The following GRM5 variants were observed in gnomAD, a reference collection of about 807,000 sequenced individuals.
GRM5 encodes metabotropic glutamate receptor 5.
A neutral mutation model predicts 83.1 loss-of-function variants in GRM5; 19 were observed. That is an observed-to-expected ratio of 0.23 (90% CI 0.16 to 0.34). The LOEUF is 0.34. Ranked by LOEUF, GRM5 falls within the 10% of genes least tolerant of loss-of-function variation. The probability of loss-of-function intolerance (pLI) is 1.00; values close to 1 mark genes in which losing one functional copy is unlikely to be tolerated. For missense variants in GRM5, 1,160 were observed against 1,588.3 expected (o/e 0.73, Z 4.58); for synonymous variants, 675 against 633.6 (o/e 1.07, Z -0.98).
chr11:88,520,672 T>G (rs2135097606), intron 9 of GRM5, among the ~76,000 whole-genome samples: 1 of 152,280 alleles, frequency 6.6e-6, no homozygotes, highest in Non-Finnish European at 1.5e-5. Context: ...AGTCCTTGGT[T>G]CATAATAGGT....
At chr11:88,750,117 G>A (rs1184919723) in intron 3 of GRM5, among the ~76,000 whole-genome samples, 4 of 152,012 alleles carry the variant, frequency 2.6e-5, no homozygotes, top group Non-Finnish European at 5.9e-5. Flanking sequence ...TGGGCTAAAT[G>A]ACCCAATTAA....
intron 2 of GRM5, among the ~76,000 whole-genome samples, chr11:88,890,200 A>C (rs12807157): frequency 0.015 from 2,306 of 152,146 alleles, 27 homozygotes; most frequent in Middle Eastern, 0.054. Context: ...GTTGCCTTAC[A>C]ATGAAATACA....
intron 2 of GRM5, among the ~76,000 whole-genome samples, chr11:88,984,246 G>A (rs1939617402): frequency 6.6e-6 from 1 of 152,038 alleles, no homozygotes; most frequent in Non-Finnish European, 1.5e-5. Context: ...CTTCATTCAT[G>A]GTAAATGACC....
chr11:88,807,393 T>A (rs1449018407), intron 3 of GRM5, among the ~76,000 whole-genome samples: 2 of 152,132 alleles, frequency 1.3e-5, no homozygotes, highest in East Asian at 3.8e-4. Context: ...ATCTTGTCAC[T>A]TTATTTTATT....
intron 7 of GRM5, among the ~76,000 whole-genome samples, chr11:88,569,731 AC>A (rs1219406148): frequency 6.6e-6 from 1 of 151,782 alleles, no homozygotes; most frequent in East Asian, 1.9e-4. Flanking sequence ...AGAACCATGG[AC>A]CCCCCACTAC....
intron 6 of GRM5, among the ~76,000 whole-genome samples, chr11:88,594,661 ATCTT>A (rs751329785): frequency 1.2e-4 from 19 of 152,222 alleles, no homozygotes; most frequent in Admixed American, 6.5e-4. Flanking sequence ...CATTTACCTT[ATCTT>A]TCTTCTTTCT....
chr11:88,525,356 G>A lies in GRM5; in HGVS notation c.2679C>T (p.Phe893=). Residue 893 remains phenylalanine, a synonymous_variant, in exon 9 of 10, where the codon TTC becomes TTT. Transcript: ENST00000305447. The part of the protein sequence containing the change: ...LAQHKSEIEC[F]TPKGSMGNGG... ...CATTCCCCATACTCCCTTTGGGGGT[G>A]AAACACTCTATTTCCGACTTGTGCT... 1 of 1,612,662 alleles carries A rather than the reference G, an allele frequency of 6.2e-7. No individual in the cohort carries two copies. Among genetic ancestry groups the A allele is most frequent in the Non-Finnish European group, 8.5e-7 (1 of 1,178,764 alleles).
chr11:89,013,693 C>A (rs969921475), intron 2 of GRM5, among the ~76,000 whole-genome samples: 4 of 152,154 alleles, frequency 2.6e-5, no homozygotes, highest in African/African-American at 9.7e-5. Context: ...ATGTCAACTC[C>A]CTGCTCATTA....
At chr11:88,697,358 T>C (rs1410824138) in intron 3 of GRM5, among the ~76,000 whole-genome samples, 1 of 152,186 alleles carries the variant, frequency 6.6e-6, no homozygotes, top group Admixed American at 6.5e-5. Flanking sequence ...TGCGCTTTTG[T>C]ATGGGTTCCC....
At chr11:89,035,734 A>C (rs1941369116) in intron 2 of GRM5, among the ~76,000 whole-genome samples, 1 of 152,056 alleles carries the variant, frequency 6.6e-6, no homozygotes, top group Non-Finnish European at 1.5e-5. Flanking sequence ...CTGAAAATAA[A>C]CACTTCATAA....
intron 8 of GRM5, among the ~76,000 whole-genome samples, chr11:88,534,250 AGATCCACTGAC>A (rs1357260045): frequency 6.6e-6 from 1 of 152,202 alleles, no homozygotes; most frequent in Non-Finnish European, 1.5e-5. Context: ...GCCAGAATGT[AGATCCACTGAC>A]GACTTGCACT....
At chr11:88,686,834 C>T (rs572672447) in intron 3 of GRM5, among the ~76,000 whole-genome samples, 6 of 152,156 alleles carry the variant, frequency 3.9e-5, no homozygotes, top group African/African-American at 1.4e-4. Context: ...CTTTTCTTCC[C>T]AGTCTCAGGT....
At chr11:88,683,221 C>T (rs1385604239) in intron 3 of GRM5, among the ~76,000 whole-genome samples, 1 of 152,182 alleles carries the variant, frequency 6.6e-6, no homozygotes, top group Admixed American at 6.5e-5. Context: ...ATTAATTTCA[C>T]ACTGTGGTTC....
intron 2 of GRM5, among the ~76,000 whole-genome samples, chr11:89,000,379 G>A (rs1459807091): frequency 6.6e-6 from 1 of 152,076 alleles, no homozygotes; most frequent in African/African-American, 2.4e-5. Context: ...ACAGGTCAAT[G>A]GAATGGAACA....
chr11:88,851,874 G>A (rs1380277832), intron 2 of GRM5, among the ~76,000 whole-genome samples: 1 of 152,106 alleles, frequency 6.6e-6, no homozygotes. Context: ...ATGGCAGGTG[G>A]GCAATCTAGT....
chr11:89,032,319 A>C (rs1941281148), intron 2 of GRM5, among the ~76,000 whole-genome samples: 1 of 152,054 alleles, frequency 6.6e-6, no homozygotes, highest in Non-Finnish European at 1.5e-5. Context: ...ACAGTAAACT[A>C]AAAAAAGCAT....
chr11:88,658,895 C>T (rs1335194396), intron 3 of GRM5, among the ~76,000 whole-genome samples: 3 of 152,106 alleles, frequency 2.0e-5, no homozygotes, highest in Admixed American at 2.0e-4. Context: ...CCAACTTTGT[C>T]ATACAGGTAG....
intron 2 of GRM5, among the ~76,000 whole-genome samples, chr11:89,006,943 G>A (rs561448268): frequency 6.6e-6 from 1 of 152,182 alleles, no homozygotes; most frequent in Non-Finnish European, 1.5e-5. Flanking sequence ...GACTACAGGC[G>A]CCCGCCACCA....
chr11:88,714,188 GT>G lies in GRM5; in HGVS notation c.912-60786del, dbSNP rs1227271395. On this transcript the variant is annotated intron_variant, in intron 3 of 9. Coordinates refer to ENST00000305447, the MANE Select transcript of GRM5 (RefSeq NM_001143831.3). Reference sequence around the variant, plus strand: ...AATAACTTTTGGAGAAACTTAGAAGGTGGGGAAGTCACAACAGGCTACAGTA... The same window carrying G: ...AATAACTTTTGGAGAAACTTAGAAGGGGGGAAGTCACAACAGGCTACAGTA... Among the ~76,000 whole-genome samples, 3 of 152,028 alleles carry G rather than the reference GT, an allele frequency of 2.0e-5. No individual in the cohort carries two copies. In the East Asian group the frequency reaches 5.8e-4, roughly 29 times the overall value.
Sources: allele counts gnomAD v4.1 joint callset (sites outside exome capture counted in the v4.1 genomes callset), GRCh38; gene constraint gnomAD v4.1.1; transcripts MANE v1.5; gene names NCBI Gene and HGNC (gene_info 2026-07-23, HGNC 2026-07-21).